CASK: variants seen among roughly 807,000 people sequenced by gnomAD.
The protein encoded by CASK is calcium/calmodulin dependent serine protein kinase, also known as peripheral plasma membrane protein CASK.
In CASK, 4 loss-of-function variants were observed where a neutral mutation model predicts 82.9. That is an observed-to-expected ratio of 0.05 (90% confidence interval 0.02 to 0.11). CASK has a LOEUF of 0.11. CASK is among the 10% of genes least tolerant of loss of function. The pLI, the probability that CASK is intolerant of heterozygous loss-of-function variation, is 1.00. For missense variants in CASK, 358 were observed against 720.9 expected (o/e 0.50, Z 5.76); for synonymous variants, 259 against 253.5 (o/e 1.02, Z -0.20).
intron 1 of CASK, among the ~76,000 whole-genome samples, chrX:41,871,079 G>A (rs1222003624): frequency 9.0e-6 from 1 of 111,651 alleles, no homozygotes; most frequent in African/African-American, 3.3e-5. Flanking sequence ...CATTCAAGTT[G>A]TTGGCAGCTG....
At chrX:41,613,085 G>T (rs2147293252) in intron 11 of CASK, among the ~76,000 whole-genome samples, 1 of 111,237 alleles carries the variant, frequency 9.0e-6, no homozygotes, top group South Asian at 3.8e-4. Context: ...CCCCTACTGG[G>T]AAGTGAGGAG....
chrX:41,647,770 C>T (rs926694879), intron 8 of CASK, among the ~76,000 whole-genome samples: 14 of 111,955 alleles, frequency 1.3e-4, no homozygotes, highest in African/African-American at 4.2e-4. Flanking sequence ...ACTGCAATCT[C>T]TAAACATAAA....
chrX:41,708,116 CAAA>C (rs774468294), intron 5 of CASK, among the ~76,000 whole-genome samples: 4 of 31,692 alleles, frequency 1.3e-4, no homozygotes, highest in African/African-American at 2.3e-4. Flanking sequence ...GACTCCATCT[CAAA>C]AAAAAAAAAA....
At chrX:41,849,204 T>C (rs1333090240) in intron 2 of CASK, among the ~76,000 whole-genome samples, 1 of 111,927 alleles carries the variant, frequency 8.9e-6, no homozygotes, top group African/African-American at 3.2e-5. Context: ...CCATAAAGAA[T>C]TGAGTCCTAT....
chrX:41,608,132 T>G (rs2065986781), intron 12 of CASK, among the ~76,000 whole-genome samples: 1 of 112,149 alleles, frequency 8.9e-6, no homozygotes, highest in East Asian at 2.8e-4. Context: ...CACTCTTAGC[T>G]GAGCTTTTCC....
intron 5 of CASK, among the ~76,000 whole-genome samples, chrX:41,720,181 T>C (rs764889186): frequency 2.6e-5 from 3 of 113,453 alleles, no homozygotes; most frequent in Admixed American, 9.2e-5. Flanking sequence ...AACGCTCCCA[T>C]TGCTTGCTGA....
chrX:41,833,891 G>T (rs997174484), intron 2 of CASK, among the ~76,000 whole-genome samples: 9 of 111,268 alleles, frequency 8.1e-5, no homozygotes, highest in Non-Finnish European at 1.5e-4. Flanking sequence ...TGGGACTACA[G>T]GCACATGCCA....
At chrX:41,799,862 G>C (rs1050144259) in intron 2 of CASK, among the ~76,000 whole-genome samples, 2 of 105,903 alleles carry the variant, frequency 1.9e-5, no homozygotes, top group African/African-American at 6.9e-5. Flanking sequence ...GCTAAGGGCA[G>C]ATCCGCCCCT....
intron 25 of CASK, among the ~76,000 whole-genome samples, chrX:41,528,400 A>G (rs1013441870): frequency 3.6e-5 from 4 of 112,595 alleles, no homozygotes; most frequent in Middle Eastern, 4.2e-3. Flanking sequence ...AGACGTGCTC[A>G]ATTGGGCCTC....
intron 2 of CASK, among the ~76,000 whole-genome samples, chrX:41,830,623 A>G (rs1241911637): frequency 9.3e-6 from 1 of 107,720 alleles, no homozygotes; most frequent in Non-Finnish European, 1.9e-5. Context: ...GATCGAGACC[A>G]TCCTGGCTAA....
intron 5 of CASK, among the ~76,000 whole-genome samples, chrX:41,693,847 C>T (rs1305441733): frequency 9.0e-6 from 1 of 111,545 alleles, no homozygotes; most frequent in East Asian, 2.8e-4. Context: ...AGTTCCTCTT[C>T]TGTGGAATCA....
At chrX:41,716,559 C>A (rs2068065192) in intron 5 of CASK, among the ~76,000 whole-genome samples, 1 of 112,320 alleles carries the variant, frequency 8.9e-6, no homozygotes, top group African/African-American at 3.2e-5. Context: ...TTTCCCACAT[C>A]ACCTCAACTT....
intron 16 of CASK, among the ~76,000 whole-genome samples, chrX:41,563,040 CAAAAAAAAAA>C (rs141364032): frequency 1.4e-4 from 3 of 22,206 alleles, no homozygotes; most frequent in Non-Finnish European, 2.2e-4. Context: ...GACTCCATCT[CAAAAAAAAAA>C]AAAAAAAAAA....
chrX:41,829,620 T>G (rs1415366995), intron 2 of CASK, among the ~76,000 whole-genome samples: 6 of 16,694 alleles, frequency 3.6e-4, no homozygotes, highest in East Asian at 2.4e-3. Context: ...TTTTTTTTTT[T>G]GGGGGGGTGG....
intron 21 of CASK, among the ~76,000 whole-genome samples, chrX:41,550,145 G>A (rs1389324061): frequency 4.5e-5 from 5 of 111,633 alleles, no homozygotes; most frequent in African/African-American, 1.6e-4. Context: ...TGGGTGACAG[G>A]GCGAGACTCC....
Position 41,516,659 on chromosome X carries a change from G to A in CASK, c.*3761C>T, listed in dbSNP as rs1469044487. 1 of 111,360 alleles carries A rather than the reference G, an allele frequency of 9.0e-6. No homozygotes were observed. Among genetic ancestry groups the A allele is most frequent in the African/African-American group, 3.3e-5 (1 of 30,575 alleles). The allele number at this position is 111,360 out of a possible 1,213,427, so 9.2% of individuals were successfully genotyped here. On this transcript the variant is annotated 3_prime_UTR_variant, in exon 27 of 27. Coordinates refer to ENST00000378163, the MANE Select transcript of CASK (RefSeq NM_001367721.1). Reference sequence around the variant, plus strand: ...TTCTGAGAAAACAAGAAACACACACGAGTTTGATAATAGGAAGCAAGAAGG... The same window carrying A: ...TTCTGAGAAAACAAGAAACACACACAAGTTTGATAATAGGAAGCAAGAAGG...
intron 4 of CASK, among the ~76,000 whole-genome samples, chrX:41,741,928 GATA>G (rs1387769974): frequency 8.9e-6 from 1 of 111,909 alleles, no homozygotes; most frequent in Non-Finnish European, 1.9e-5. Flanking sequence ...GGATCAGCAA[GATA>G]ATAACTCCAT....
At position 41,860,910 on chromosome X, in the gene CASK, A is replaced by AG. The variant is rs1439234473; in HGVS notation, c.60-7684dup. Among the ~76,000 whole-genome samples, 3 of 112,582 alleles carry AG rather than the reference A, an allele frequency of 2.7e-5. No homozygotes were observed. The Admixed American group carries it at 2.8e-4, about 11-fold the overall frequency. On this transcript the variant is annotated intron_variant, in intron 1 of 26. Transcript: ENST00000378163. ...ATTCAGATCATTCCTTGAAAATAGA[A>AG]GGGGGAGGTTTATTTGAAACAGCTA...
chrX:41,576,831 T>C (rs1279366468), intron 15 of CASK, among the ~76,000 whole-genome samples: 1 of 110,590 alleles, frequency 9.0e-6, no homozygotes, highest in East Asian at 2.8e-4. Flanking sequence ...AGCCAAAGAG[T>C]TGCCTGGATA....
Sources: allele counts gnomAD v4.1 joint callset (sites outside exome capture counted in the v4.1 genomes callset), GRCh38; gene constraint gnomAD v4.1.1; transcripts MANE v1.5; gene names NCBI Gene and HGNC (gene_info 2026-07-23, HGNC 2026-07-21).